The following FNBP4 variants were observed in gnomAD, a reference collection of about 807,000 sequenced individuals.
FNBP4 encodes the protein formin binding protein 4, also known as formin-binding protein 4.
In FNBP4, 34 loss-of-function variants were observed where a neutral mutation model predicts 119.3. That is an observed-to-expected ratio of 0.28 (90% CI 0.22 to 0.38). FNBP4 has a LOEUF of 0.38. Among genes scored for constraint, FNBP4 ranks in the 10% least tolerant of loss-of-function variants. FNBP4 has a pLI of 1.00. For missense variants in FNBP4, 1,112 were observed against 1,228.9 expected (o/e 0.90, Z 1.42); for synonymous variants, 462 against 430.6 (o/e 1.07, Z -0.90).
At chr11:47,730,135 C>T (rs983509056) in intron 12 of FNBP4, 2 of 985,384 alleles carry the variant, frequency 2.0e-6, no homozygotes, top group Non-Finnish European at 2.4e-6. Flanking sequence ...TGACAGTGGT[C>T]AGGAGTGGAG....
chr11:47,744,297 A>G, intron 7 of FNBP4, 134 bp from the exon 8 acceptor site: 1 of 763,556 alleles, frequency 1.3e-6, no homozygotes, highest in Non-Finnish European at 2.1e-6. Context: ...TTTTGGAGAC[A>G]GGCTCTCCCT....
rs574072186 is a variant in FNBP4, at chr11:47,765,072, A to G, written c.313+198T>C. Among the ~76,000 whole-genome samples, 7 of 152,306 alleles carry G rather than the reference A, an allele frequency of 4.6e-5. No homozygotes were observed. In the South Asian group the frequency reaches 1.4e-3, roughly 32 times the overall value. On this transcript the variant is annotated intron_variant, in intron 2 of 16. Coordinates refer to ENST00000263773, the MANE Select transcript of FNBP4 (RefSeq NM_015308.5). Reference sequence around the variant, plus strand: ...AGTAAAAAACGTTTTGGGTAAAGAAAAACAACAAATTTTGCACTGGTCAAA... The same window carrying G: ...AGTAAAAAACGTTTTGGGTAAAGAAGAACAACAAATTTTGCACTGGTCAAA...
chr11:47,754,076 A>G (rs1320684201), intron 3 of FNBP4, among the ~76,000 whole-genome samples: 1 of 151,908 alleles, frequency 6.6e-6, no homozygotes, highest in Non-Finnish European at 1.5e-5. Context: ...GTGGTGGCAC[A>G]TACCTGTAGC....
chr11:47,724,326 C>T, intron 13 of FNBP4, 142 bp downstream of exon 13: 2 of 1,525,020 alleles, frequency 1.3e-6, no homozygotes, highest in Non-Finnish European at 1.8e-6. Context: ...AAGCAATCCT[C>T]CTGCTTCGAC....
At chr11:47,736,817 A>G in intron 8 of FNBP4, 77 bp from the exon 9 acceptor site, 1 of 1,262,044 alleles carries the variant, frequency 7.9e-7, no homozygotes, top group South Asian at 1.3e-5. Context: ...CCCATAGCAG[A>G]TATCTGCAAA....
intron 2 of FNBP4, among the ~76,000 whole-genome samples, chr11:47,758,856 T>TA (rs199670029): frequency 4.7e-5 from 7 of 149,360 alleles, no homozygotes; most frequent in African/African-American, 1.5e-4. Flanking sequence ...AGACTCCGTC[T>TA]AAAAAAAAGC....
intron 13 of FNBP4, 99 bp downstream of exon 13, chr11:47,724,369 C>T (rs940335821): frequency 1.3e-6 from 2 of 1,582,836 alleles, no homozygotes; most frequent in African/African-American, 2.7e-5. Flanking sequence ...GCGTGAGCCA[C>T]CGTGCCCGGC....
intron 2 of FNBP4, among the ~76,000 whole-genome samples, chr11:47,757,173 G>T (rs2097620832): frequency 1.3e-5 from 2 of 152,158 alleles, no homozygotes; most frequent in South Asian, 4.1e-4. Flanking sequence ...CAGCATAAAA[G>T]CGTTCCTATT....
chr11:47,732,667 GAGTCTAGA>G lies in FNBP4; in HGVS notation c.1687-5_1689del. ...GCCCCTTCCCGCCAGTCTGCAATTC[GAGTCTAGA>G]ATAAACAGACAAATAAGTTAAAGAC... On this transcript the variant is annotated splice_acceptor_variant and splice_polypyrimidine_tract_variant and coding_sequence_variant and intron_variant, in exon 11 of 17. Coordinates refer to ENST00000263773, the MANE Select transcript of FNBP4 (RefSeq NM_015308.5). LOFTEE classifies it high-confidence loss of function. This position sits in a 1 kb window ranked among gnomAD's most constrained non-coding sequence, Gnocchi z 4.2. 6.2e-7 allele frequency: 1 copy of G among 1,614,038 alleles called. No homozygotes were observed. The highest frequency in any genetic ancestry group is 8.5e-7 in the Non-Finnish European group (1 of 1,179,936).
rs142674064 is a variant in FNBP4, at chr11:47,762,374, G to A, written c.313+2896C>T. 3.1e-4 allele frequency among the ~76,000 whole-genome samples: 47 copies of A among 152,086 alleles called. No individual in the cohort carries two copies. In the East Asian group the frequency reaches 7.5e-3, roughly 24 times the overall value. On this transcript the variant is annotated intron_variant, in intron 2 of 16. Transcript: ENST00000263773. ...GAACTCCCGACCTTGTCATCCGCCC[G>A]CCTTGGCCTCCCAAAGTGCTGGAAT...
rs774956595 is a variant in FNBP4 at position 47,720,125 on chromosome 11, T to C, written c.2806-39A>G. On this transcript the variant is annotated intron_variant, in intron 15 of 16. Coordinates refer to ENST00000263773, the MANE Select transcript of FNBP4 (RefSeq NM_015308.5). ...TAAAGGTCAAAAGGAATAGAAAACA[T>C]AAAATAAGGATAAGCGTCCTCTACA... The C allele has an allele frequency of 8.9e-6, 14 of 1,578,776 alleles. No individual in the cohort carries two copies. The East Asian group carries it at 3.2e-4, about 36-fold the overall frequency.
At chr11:47,764,680 C>G (rs1048442833) in intron 2 of FNBP4, among the ~76,000 whole-genome samples, 7 of 152,136 alleles carry the variant, frequency 4.6e-5, no homozygotes, top group African/African-American at 1.7e-4. Context: ...TTCCAAGATA[C>G]ACAGAGTAGA....
In FNBP4 at chr11:47,724,061, G is replaced by A. The variant is rs1282520939; in HGVS notation, c.2431C>T (p.Pro811Ser). The A allele has an allele frequency of 2.5e-6, 4 of 1,614,014 alleles. No individual in the cohort carries two copies. Among genetic ancestry groups the A allele is most frequent in the Non-Finnish European group, 3.4e-6 (4 of 1,180,030 alleles). ...VQRSATIGSSPVLYSQSAIAT... is the reference protein window; with the variant it reads ...VQRSATIGSSSVLYSQSAIAT... ...ATAGCTGACTGGCTATAGAGAACTG[G>A]AGAACTGCCAATGGTAGCTGACCTC... Residue 811 changes from proline to serine, a missense_variant, in exon 14 of 17, where the codon CCA (proline) becomes TCA (serine). Pro to Ser is a moderately conservative substitution (Grantham distance 74). Transcript: ENST00000263773.
intron 12 of FNBP4, among the ~76,000 whole-genome samples, chr11:47,728,639 G>A (rs2097563909): frequency 6.6e-6 from 1 of 152,000 alleles, no homozygotes; most frequent in South Asian, 2.1e-4. Context: ...AGGCTCAAGT[G>A]ATCCTTCCCA....
chr11:47,746,930 T>C (rs2097591547), intron 6 of FNBP4, among the ~76,000 whole-genome samples: 1 of 152,214 alleles, frequency 6.6e-6, no homozygotes, highest in Non-Finnish European at 1.5e-5. Context: ...CTCCCTGCTA[T>C]TCTCAGGATG....
intron 12 of FNBP4, among the ~76,000 whole-genome samples, chr11:47,727,521 G>A (rs936699294): frequency 2.6e-5 from 4 of 152,130 alleles, no homozygotes; most frequent in Non-Finnish European, 4.4e-5. Context: ...AAAGTGCTGG[G>A]ATTACAGATG....
At chr11:47,749,046 C>A (rs1365186729) in intron 6 of FNBP4, among the ~76,000 whole-genome samples, 1 of 152,048 alleles carries the variant, frequency 6.6e-6, no homozygotes, top group Non-Finnish European at 1.5e-5. Flanking sequence ...ATCACTTGAG[C>A]TCAGAGTTTG....
rs1317074362 is a variant in FNBP4, at chr11:47,749,621, T to C, written c.906+1295A>G. Among the ~76,000 whole-genome samples, 8 of 152,214 alleles carry C rather than the reference T, an allele frequency of 5.3e-5. No homozygotes were observed. In the South Asian group the frequency reaches 1.5e-3, roughly 28 times the overall value. On this transcript the variant is annotated intron_variant, in intron 6 of 16. Coordinates refer to ENST00000263773, the MANE Select transcript of FNBP4 (RefSeq NM_015308.5). ...AAAAGTCTTTAAAATTGAAGATAAA[T>C]TGGAATTCAATATACACTCCCTAAG...
intron 16 of FNBP4, among the ~76,000 whole-genome samples, chr11:47,718,697 G>C (rs2097552163): frequency 6.6e-6 from 1 of 152,154 alleles, no homozygotes; most frequent in Non-Finnish European, 1.5e-5. Context: ...GTTATACACT[G>C]ACAATTGATG....
Sources: gnomAD v4.1 joint callset for allele counts (sites outside exome capture counted in the v4.1 genomes callset) on GRCh38, gnomAD v4.1.1 for gene constraint, Gnocchi (gnomAD v3.1) non-coding constraint, MANE v1.5 for transcripts, NCBI Gene and HGNC (gene_info 2026-07-23, HGNC 2026-07-21) for gene names.